The following CD163 variants were observed in gnomAD, a reference collection of about 807,000 sequenced individuals.
CD163 encodes scavenger receptor cysteine-rich type 1 protein M130.
Under a neutral mutation model 129.2 loss-of-function variants are expected in CD163, and 64 were observed. That is an observed-to-expected ratio of 0.50 (90% confidence interval 0.41 to 0.61). The LOEUF (loss-of-function observed/expected upper bound fraction) is 0.61. Ranked by LOEUF, CD163 falls within the 20% of genes least tolerant of loss-of-function variation. The pLI is 0.00. For synonymous variants in CD163, 446 were observed against 478.5 expected, an observed-to-expected ratio of 0.93 and a Z score of 0.89; for missense variants, 1,061 against 1,377.9, an observed-to-expected ratio of 0.77 and a Z score of 3.64.
At chr12:7,477,474 A>G (rs1949102867) in intron 16 of CD163, among the ~76,000 whole-genome samples, 1 of 152,194 alleles carries the variant, frequency 6.6e-6, no homozygotes, top group Non-Finnish European at 1.5e-5. Flanking sequence ...TTCTCAGCAA[A>G]CTAACACAGG....
In CD163 at chr12:7,487,634, C is replaced by T; in HGVS notation, c.1775G>A (p.Cys592Tyr). ...EIRLVNGKTP[C>Y]EGRVELKTLG... The stretch of plus-strand genomic sequence containing the variant: ...CGTTTTGAGCTCCACTCTGCCCTCA[C>T]ACGGGGTCTTGCCATTCACCAAGCG... The change falls in exon 8 of 17, where the codon TGT becomes TAT. Residue 592 changes from cysteine (C) to tyrosine (Y), a missense_variant. By Grantham distance (194) the Cys-to-Tyr change is radical. Coordinates refer to ENST00000432237, the MANE Select transcript of CD163 (RefSeq NM_203416.4). This position sits in a 1 kb window ranked among gnomAD's most constrained non-coding sequence, Gnocchi z 5.1. The T allele has an allele frequency of 1.2e-6, 2 of 1,614,198 alleles. No individual in the cohort carries two copies. Among genetic ancestry groups the T allele is most frequent in the Non-Finnish European group, 1.7e-6 (2 of 1,180,028 alleles).
chr12:7,502,353 T>C, intron 2 of CD163, 125 bp downstream of exon 2: 1 of 745,104 alleles, frequency 1.3e-6, no homozygotes, highest in Non-Finnish European at 2.4e-6. Flanking sequence ...TATCTGATCC[T>C]TTGAATACAT....
Position 7,482,980 on chromosome 12 carries a change from T to C in CD163, c.3113A>G (p.Gln1038Arg). The change falls in exon 13 of 17, where the codon CAA becomes CGA. Residue 1038 changes from glutamine to arginine, a missense_variant. Gln to Arg is a conservative substitution (Grantham distance 43). Transcript: ENST00000432237. ...CCATGATATACCTGTTGTGGCTTTT[T>C]GTGGGGTTTTCTGCACTGAAATATC... The part of the protein sequence containing the change: ...CTDISVQKTP[Q>R]KATTGRSSRQ... 1 of 1,613,914 alleles carries C rather than the reference T, an allele frequency of 6.2e-7. No homozygotes were observed. Among genetic ancestry groups the C allele is most frequent in the South Asian group, 1.1e-5 (1 of 91,080 alleles).
intron 15 of CD163, 73 bp downstream of exon 15, chr12:7,481,088 T>C (rs1949155486): frequency 6.4e-7 from 1 of 1,552,364 alleles, no homozygotes. Flanking sequence ...TTTATCAAAG[T>C]AGAATGTCTG....
chr12:7,494,477 T>C (rs1354468128), intron 6 of CD163, among the ~76,000 whole-genome samples: 15 of 152,212 alleles, frequency 9.9e-5, no homozygotes, highest in Admixed American at 9.8e-4. Flanking sequence ...ACATGTTTAA[T>C]GGTTTTCTTG....
rs757019957 is a variant in CD163 at position 7,492,803 on chromosome 12, T to A, written c.1420+2278A>T. Among the ~76,000 whole-genome samples the A allele has an allele frequency of 2.6e-5, 4 of 152,264 alleles. No homozygotes were observed. In the East Asian group the frequency reaches 7.7e-4, roughly 29 times the overall value. ...GAAGAATTGAAGAAAAAACTCTAAG[T>A]ATCCTGTCCCCCCAAATTGAGGTGG... On this transcript the variant is annotated intron_variant, in intron 6 of 16. Coordinates refer to ENST00000432237, the MANE Select transcript of CD163 (RefSeq NM_203416.4).
intron 6 of CD163, among the ~76,000 whole-genome samples, chr12:7,489,814 C>T (rs745573174): frequency 6.6e-6 from 1 of 151,986 alleles, no homozygotes; most frequent in Non-Finnish European, 1.5e-5. Context: ...AGGTGATAAA[C>T]ACTAATTCTT....
intron 1 of CD163, chr12:7,502,842 G>A (rs187813791): frequency 8.8e-4 from 478 of 544,204 alleles, no homozygotes; most frequent in Non-Finnish European, 1.3e-3. Flanking sequence ...CTTAAAACCT[G>A]GAAAATGGAA....
intron 4 of CD163, among the ~76,000 whole-genome samples, chr12:7,497,803 C>T (rs1346893530): frequency 6.6e-6 from 1 of 152,106 alleles, no homozygotes; most frequent in Non-Finnish European, 1.5e-5. Flanking sequence ...TAACTGGGGG[C>T]CTAGAGAAAT....
intron 16 of CD163, among the ~76,000 whole-genome samples, chr12:7,479,189 G>A (rs895735298): frequency 6.6e-6 from 1 of 151,828 alleles, no homozygotes; most frequent in African/African-American, 2.4e-5. Context: ...TCTCCACATG[G>A]CCTCTTCATA....
chr12:7,497,380 C>G (rs1327583319), intron 4 of CD163, among the ~76,000 whole-genome samples: 1 of 152,158 alleles, frequency 6.6e-6, no homozygotes, highest in Non-Finnish European at 1.5e-5. Flanking sequence ...GATACAGGGA[C>G]TGAATTTCAT....
intron 12 of CD163, 172 bp from the exon 13 acceptor site, chr12:7,483,176 T>C (rs1949187582): frequency 5.1e-6 from 4 of 786,834 alleles, no homozygotes; most frequent in Non-Finnish European, 8.1e-6. Context: ...ATAGGTTGTA[T>C]GTGTCTCCTT....
rs1949196079 is a variant in CD163 at position 7,483,687 on chromosome 12, G to A, written c.2780-12C>T. ...AAGTCTTATCTTGTCTGAAAAATCA[G>A]AGACATGTAGCCTATTTCTAAGACT... On this transcript the variant is annotated splice_polypyrimidine_tract_variant and intron_variant, in intron 11 of 16. Transcript: ENST00000432237. 2 of 1,591,780 alleles carry A rather than the reference G, an allele frequency of 1.3e-6. No homozygotes were observed. Among genetic ancestry groups the A allele is most frequent in the South Asian group, 1.1e-5 (1 of 88,706 alleles).
chr12:7,486,588 C>T lies in CD163; in HGVS notation c.2369G>A (p.Gly790Glu), dbSNP rs778094768. The T allele has an allele frequency of 9.3e-6, 15 of 1,614,114 alleles. No homozygotes were observed. Among genetic ancestry groups the T allele is most frequent in the Non-Finnish European group, 1.0e-5 (12 of 1,180,038 alleles). ...PIWLDEMKCN[G>E]KESRIWQCHS... ...GCACTGCCAAATGCGGGATTCTTTT[C>T]CATTGCATTTCATCTCATCCAGCCA... The change falls in exon 10 of 17, where the codon GGA (glycine) becomes GAA (glutamate). Residue 790 changes from glycine (G) to glutamate (E), a missense_variant. By Grantham distance (98) the Gly-to-Glu change is moderately conservative. Transcript: ENST00000432237.
chr12:7,498,643 G>C (rs1200949257), intron 4 of CD163, among the ~76,000 whole-genome samples: 1 of 150,986 alleles, frequency 6.6e-6, no homozygotes, highest in East Asian at 1.9e-4. Context: ...CTTTTCTTAT[G>C]ACCTGGATCT....
rs771733043 is a variant in CD163, at chr12:7,483,474, T to C, written c.2981A>G (p.Asn994Ser). ...FGQGTGPIWLNEVKCKGNESS... is the reference protein window; with the variant it reads ...FGQGTGPIWLSEVKCKGNESS... ...CTCATTCCCTTTGCACTTCACTTCA[T>C]TGAGCCATATCGGTCCAGTCCCCTG... Residue 994 changes from asparagine to serine, a missense_variant, in exon 12 of 17, where the codon AAT (asparagine) becomes AGT (serine). By Grantham distance (46) the Asn-to-Ser change is conservative. Transcript: ENST00000432237. 4.3e-6 allele frequency: 7 copies of C among 1,613,982 alleles called. No individual in the cohort carries two copies. In the Admixed American group the frequency reaches 6.7e-5, roughly 15 times the overall value.
At chr12:7,490,280 G>A (rs1348894563) in intron 6 of CD163, among the ~76,000 whole-genome samples, 1 of 151,904 alleles carries the variant, frequency 6.6e-6, no homozygotes, top group Non-Finnish European at 1.5e-5. Context: ...GTCACGAAAT[G>A]CATGGTGTCA....
At chr12:7,494,086 G>C (rs775181569) in intron 6 of CD163, among the ~76,000 whole-genome samples, 4 of 152,150 alleles carry the variant, frequency 2.6e-5, no homozygotes, top group African/African-American at 9.6e-5. Flanking sequence ...GCTATATATA[G>C]ATTTGTTTGT....
intron 16 of CD163, among the ~76,000 whole-genome samples, chr12:7,472,225 A>G (rs1949015353): frequency 6.6e-6 from 1 of 152,338 alleles, no homozygotes; most frequent in African/African-American, 2.4e-5. Context: ...AGCTCTGCTA[A>G]GGGACAGACT....
Sources: gnomAD v4.1 joint callset for allele counts (sites outside exome capture counted in the v4.1 genomes callset) on GRCh38, gnomAD v4.1.1 for gene constraint, Gnocchi (gnomAD v3.1) non-coding constraint, MANE v1.5 for transcripts, NCBI Gene and HGNC (gene_info 2026-07-23, HGNC 2026-07-21) for gene names.